TMPRSS11F: variants seen among roughly 807,000 people sequenced by gnomAD.
TMPRSS11F encodes the protein transmembrane serine protease 11F.
TMPRSS11F carries 47 observed loss-of-function variants against 60.2 expected under a neutral mutation model. The ratio of observed to expected loss-of-function variants is 0.78; its 90% CI spans 0.62 to 1.00. The LOEUF (loss-of-function observed/expected upper bound fraction) is 1.00, where lower values mean the gene tolerates loss of function less well. TMPRSS11F is among the 50% of genes least tolerant of loss of function. The probability of loss-of-function intolerance (pLI) is 0.00; values close to 1 mark genes in which losing one functional copy is unlikely to be tolerated. For synonymous variants in TMPRSS11F, 166 were observed against 167.3 expected (o/e 0.99, Z 0.06); for missense variants, 519 against 522.9 (o/e 0.99, Z 0.07).
chr4:68,106,966 A>T (rs901878487), intron 1 of TMPRSS11F, among the ~76,000 whole-genome samples: 24 of 152,318 alleles, frequency 1.6e-4, no homozygotes, highest in South Asian at 1.0e-3. Flanking sequence ...ACCATCTTGG[A>T]AGCACTACTC....
At chr4:68,079,662 T>C (rs78653618) in intron 3 of TMPRSS11F, among the ~76,000 whole-genome samples, 1 of 152,336 alleles carries the variant, frequency 6.6e-6, no homozygotes, top group Admixed American at 6.5e-5. Context: ...AAACTAATTG[T>C]ATCCTTTCCC....
At chr4:68,087,020 C>T (rs1297608007) in intron 3 of TMPRSS11F, among the ~76,000 whole-genome samples, 1 of 152,032 alleles carries the variant, frequency 6.6e-6, no homozygotes, top group Non-Finnish European at 1.5e-5. Context: ...CTAATTCATT[C>T]AACAAAGCTA....
chr4:68,070,459 C>T (rs76293661), intron 5 of TMPRSS11F, among the ~76,000 whole-genome samples: 3 of 152,218 alleles, frequency 2.0e-5, no homozygotes, highest in African/African-American at 7.2e-5. Flanking sequence ...TCACAGACCC[C>T]TGAGGGCCCA....
At chr4:68,098,124 G>A (rs994600556) in intron 2 of TMPRSS11F, among the ~76,000 whole-genome samples, 1 of 152,072 alleles carries the variant, frequency 6.6e-6, no homozygotes, top group African/African-American at 2.4e-5. Flanking sequence ...GGCCAACATG[G>A]TGAAACCCCA....
At chr4:68,100,723 G>A (rs1416015322) in intron 1 of TMPRSS11F, among the ~76,000 whole-genome samples, 1 of 152,094 alleles carries the variant, frequency 6.6e-6, no homozygotes, top group Non-Finnish European at 1.5e-5. Context: ...CAAATGAAAA[G>A]TATCTGTTTT....
chr4:68,053,281 A>G lies in TMPRSS11F; in HGVS notation c.*628T>C, dbSNP rs1722979721. On this transcript the variant is annotated 3_prime_UTR_variant, in exon 10 of 10. Coordinates refer to ENST00000356291, the MANE Select transcript of TMPRSS11F (RefSeq NM_207407.2). ...ATCAGAAAAGCTTCTTAACAACACA[A>G]CATGCTTCCTGAAGCTAGTGCTTGA... The G allele has an allele frequency of 2.0e-5, 3 of 152,572 alleles. No individual in the cohort carries two copies. Among genetic ancestry groups the G allele is most frequent in the Admixed American group, 2.0e-4 (3 of 15,264 alleles). The allele number at this position is 152,572 out of a possible 1,614,324, so 9.5% of individuals were successfully genotyped here. A position where few individuals can be genotyped will look rare whatever the true frequency, so the allele number is the denominator to read the frequency against.
At chr4:68,072,963 C>T (rs1723511296) in intron 4 of TMPRSS11F, among the ~76,000 whole-genome samples, 1 of 152,120 alleles carries the variant, frequency 6.6e-6, no homozygotes, top group Non-Finnish European at 1.5e-5. Context: ...CCTGGGCTTT[C>T]CTGAGGTTTA....
At chr4:68,055,646 T>C (rs1169767251) in intron 9 of TMPRSS11F, among the ~76,000 whole-genome samples, 2 of 152,122 alleles carry the variant, frequency 1.3e-5, no homozygotes, top group Non-Finnish European at 2.9e-5. Flanking sequence ...ACCAAGCATC[T>C]AAAGAAGAAA....
chr4:68,088,085 T>A (rs1467879355), intron 3 of TMPRSS11F, among the ~76,000 whole-genome samples: 1 of 151,928 alleles, frequency 6.6e-6, no homozygotes, highest in Non-Finnish European at 1.5e-5. Flanking sequence ...TTCCATGGTG[T>A]ATATAGACTG....
intron 3 of TMPRSS11F, among the ~76,000 whole-genome samples, chr4:68,077,869 C>G (rs1262130509): frequency 6.6e-6 from 1 of 152,226 alleles, no homozygotes; most frequent in East Asian, 1.9e-4. Flanking sequence ...TGCAGCCTAG[C>G]ACCTTAGGTA....
intron 8 of TMPRSS11F, among the ~76,000 whole-genome samples, chr4:68,060,093 G>C (rs1019324818): frequency 6.6e-6 from 1 of 151,928 alleles, no homozygotes; most frequent in Non-Finnish European, 1.5e-5. Flanking sequence ...GAGTAGCCCT[G>C]AGTTAGCTGT....
intron 3 of TMPRSS11F, among the ~76,000 whole-genome samples, chr4:68,088,511 A>T (rs868806421): frequency 4.5e-4 from 69 of 152,050 alleles, no homozygotes; most frequent in Middle Eastern, 3.4e-3. Context: ...AAGGATACCC[A>T]GGAATTGAAC....
At chr4:68,110,205 C>T (rs1037268056) in intron 1 of TMPRSS11F, among the ~76,000 whole-genome samples, 2 of 152,128 alleles carry the variant, frequency 1.3e-5, no homozygotes, top group East Asian at 1.9e-4. Context: ...AGGTTAATGA[C>T]CTTCCTTACT....
chr4:68,058,298 T>C (rs1723087122), intron 9 of TMPRSS11F, among the ~76,000 whole-genome samples: 1 of 152,248 alleles, frequency 6.6e-6, no homozygotes, highest in Non-Finnish European at 1.5e-5. Context: ...CATTCCACAT[T>C]GTATACATGT....
intron 1 of TMPRSS11F, among the ~76,000 whole-genome samples, chr4:68,111,583 T>C (rs1008781353): frequency 6.6e-6 from 1 of 152,198 alleles, no homozygotes; most frequent in African/African-American, 2.4e-5. Flanking sequence ...GAAACTATTA[T>C]AATTATTATT....
At chr4:68,090,664 G>T (rs1349521384) in intron 2 of TMPRSS11F, 23 bp from the exon 3 acceptor site, 15 of 1,581,040 alleles carry the variant, frequency 9.5e-6, no homozygotes, top group Non-Finnish European at 1.2e-5. Context: ...ACAAACAAAA[G>T]TCTCATGGTT....
At chr4:68,102,163 TG>T (rs1055813882) in intron 1 of TMPRSS11F, among the ~76,000 whole-genome samples, 2 of 152,154 alleles carry the variant, frequency 1.3e-5, no homozygotes, top group African/African-American at 4.8e-5. Context: ...CTTGGTTTTT[TG>T]GGGGGCTCAG....
chr4:68,104,663 C>T (rs187791377), intron 1 of TMPRSS11F, among the ~76,000 whole-genome samples: 18 of 152,252 alleles, frequency 1.2e-4, no homozygotes, highest in African/African-American at 3.6e-4. Context: ...TTCTTCATAG[C>T]AGTGTGAGAA....
chr4:68,070,073 C>T, intron 5 of TMPRSS11F, 66 bp from the exon 6 acceptor site: 1 of 1,331,024 alleles, frequency 7.5e-7, no homozygotes, highest in Non-Finnish European at 1.1e-6. Context: ...TTGTGTTGTT[C>T]AACTGGTCAT....
Sources: allele counts gnomAD v4.1 joint callset (sites outside exome capture counted in the v4.1 genomes callset), GRCh38; gene constraint gnomAD v4.1.1; transcripts MANE v1.5; gene names NCBI Gene and HGNC (gene_info 2026-07-23, HGNC 2026-07-21).